Variants in COL12A1 observed in about 807,000 individuals in gnomAD.
COL12A1 encodes collagen type XII alpha 1 chain, also known as collagen alpha-1(XII) chain.
Under a neutral mutation model 349.7 loss-of-function variants are expected in COL12A1, and 114 were observed. The observed-to-expected ratio is 0.33, with a 90% CI of 0.28 to 0.38. COL12A1 has a LOEUF of 0.38. Ranked by LOEUF, COL12A1 falls within the 10% of genes least tolerant of loss-of-function variation. The probability of loss-of-function intolerance (pLI) is 1.00; values close to 1 mark genes in which losing one functional copy is unlikely to be tolerated. For missense variants in COL12A1, 3,284 were observed against 3,756.9 expected (o/e 0.87, Z 3.29); for synonymous variants, 1,369 against 1,329.0 (o/e 1.03, Z -0.66).
chr6:75,111,183 C>T (rs987135402), intron 51 of COL12A1, among the ~76,000 whole-genome samples: 3 of 150,106 alleles, frequency 2.0e-5, no homozygotes, highest in African/African-American at 2.5e-5. Context: ...AAAGAAAGAA[C>T]GGGTTTAAGG....
chr6:75,138,635 C>A lies in COL12A1; in HGVS notation c.5098-55G>T, dbSNP rs1468942344. 18 of 1,600,310 alleles carry A rather than the reference C, an allele frequency of 1.1e-5. No homozygotes were observed. In the East Asian group the frequency reaches 4.0e-4, roughly 36 times the overall value. On this transcript the variant is annotated intron_variant, in intron 28 of 65. Coordinates refer to ENST00000322507, the MANE Select transcript of COL12A1 (RefSeq NM_004370.6). ...CGCAAAAGTAAGTCTCCACTTACAT[C>A]ATACACACTCAATGGCAGTTTATTC...
chr6:75,194,383 A>G (rs1359302249), intron 3 of COL12A1, among the ~76,000 whole-genome samples: 1 of 152,196 alleles, frequency 6.6e-6, no homozygotes, highest in Non-Finnish European at 1.5e-5. Context: ...CTTATCTGTC[A>G]TCATGGTTGT....
At chr6:75,164,198 G>GA (rs1166673609) in intron 14 of COL12A1, among the ~76,000 whole-genome samples, 1 of 152,122 alleles carries the variant, frequency 6.6e-6, no homozygotes, top group Non-Finnish European at 1.5e-5. Flanking sequence ...TTCCTATAAA[G>GA]AAGTTGATTT....
At chr6:75,088,956 G>A (rs945787127) in intron 64 of COL12A1, 150 bp downstream of exon 64, 22 of 620,030 alleles carry the variant, frequency 3.5e-5, no homozygotes, top group African/African-American at 2.2e-4. Flanking sequence ...AGCCAAGATC[G>A]CGCCACTGCA....
At chr6:75,128,498 T>C in intron 37 of COL12A1, 73 bp from the exon 38 acceptor site, 1 of 1,304,408 alleles carries the variant, frequency 7.7e-7, no homozygotes, top group Non-Finnish European at 1.0e-6. Flanking sequence ...TATTGTTTTA[T>C]GTATTCCCAT....
intron 49 of COL12A1, 150 bp downstream of exon 49, chr6:75,115,634 A>T: frequency 1.0e-6 from 1 of 979,376 alleles, no homozygotes; most frequent in Non-Finnish European, 1.5e-6. Context: ...GGAAACAATT[A>T]GCCTAACTGT....
At chr6:75,174,425 G>T (rs989116162) in intron 13 of COL12A1, among the ~76,000 whole-genome samples, 1 of 152,106 alleles carries the variant, frequency 6.6e-6, no homozygotes, top group Non-Finnish European at 1.5e-5. Flanking sequence ...GCGTGGTGGC[G>T]GGCGCCTGTA....
intron 5 of COL12A1, among the ~76,000 whole-genome samples, 189 bp from the exon 6 acceptor site, chr6:75,190,004 C>T (rs965390840): frequency 6.6e-6 from 1 of 151,894 alleles, no homozygotes; most frequent in Non-Finnish European, 1.5e-5. Flanking sequence ...ATTTTCAATG[C>T]CTTTATCAAG....
chr6:75,124,416 A>G (rs1008937762), intron 40 of COL12A1, 45 bp from the exon 41 acceptor site: 1 of 1,412,520 alleles, frequency 7.1e-7, no homozygotes, highest in Non-Finnish European at 9.8e-7. Context: ...AAATTGAGGC[A>G]AAAAGTGTAC....
chr6:75,197,670 T>C (rs1209582394), intron 2 of COL12A1, among the ~76,000 whole-genome samples: 2 of 152,150 alleles, frequency 1.3e-5, no homozygotes, highest in African/African-American at 2.4e-5. Context: ...GAGCCATAGT[T>C]GCATAGGATG....
chr6:75,124,161 G>T, intron 41 of COL12A1, 67 bp from the exon 42 acceptor site: 1 of 1,592,840 alleles, frequency 6.3e-7, no homozygotes, highest in South Asian at 1.1e-5. Context: ...ATTTTATATC[G>T]CATTGTTATA....
intron 8 of COL12A1, 100 bp downstream of exon 8, chr6:75,188,262 G>C: frequency 7.8e-7 from 1 of 1,276,286 alleles, no homozygotes; most frequent in South Asian, 1.6e-5. Flanking sequence ...AGAATCACTG[G>C]AAGAAATATT....
At chr6:75,121,538 G>C (rs1270061041) in intron 43 of COL12A1, 97 bp from the exon 44 acceptor site, 29 of 1,356,518 alleles carry the variant, frequency 2.1e-5, no homozygotes, top group Non-Finnish European at 2.6e-5. Flanking sequence ...ACCTTGCTAC[G>C]CAAAGTGTGG....
chr6:75,189,438 A>G, intron 6 of COL12A1, 57 bp from the exon 7 acceptor site: 1 of 1,583,504 alleles, frequency 6.3e-7, no homozygotes. Flanking sequence ...TTCCAAAGTC[A>G]AAAACTATGT....
At chr6:75,097,027 ATTTC>A (rs1293923470) in intron 59 of COL12A1, among the ~76,000 whole-genome samples, 2 of 152,154 alleles carry the variant, frequency 1.3e-5, no homozygotes, top group Non-Finnish European at 2.9e-5. Flanking sequence ...TTAGTTAGGG[ATTTC>A]TTTTTCTTTT....
chr6:75,108,630 C>G lies in COL12A1; in HGVS notation c.8100+388G>C, dbSNP rs370332869. On this transcript the variant is annotated intron_variant, in intron 52 of 65. Transcript: ENST00000322507. ...CTGGTGAAAGTTGCAACTAGTGTCC[C>G]CAAATGCTTAATATCCTGATTGTAC... Among the ~76,000 whole-genome samples the G allele has an allele frequency of 4.9e-4, 75 of 152,144 alleles. 1 individual carries two copies. The East Asian group carries it at 7.9e-3, about 16-fold the overall frequency.
intron 46 of COL12A1, among the ~76,000 whole-genome samples, 199 bp downstream of exon 46, chr6:75,118,844 A>G (rs1174368103): frequency 1.3e-5 from 2 of 152,224 alleles, no homozygotes; most frequent in African/African-American, 4.8e-5. Context: ...CACATCTTAT[A>G]CAAAGAATAC....
At chr6:75,140,492 T>C (rs937804254) in intron 27 of COL12A1, among the ~76,000 whole-genome samples, 1 of 151,680 alleles carries the variant, frequency 6.6e-6, no homozygotes. Flanking sequence ...CCGTCTCTAC[T>C]AAAAACACAA....
intron 54 of COL12A1, 46 bp downstream of exon 54, chr6:75,105,160 A>G (rs1768485421): frequency 6.6e-7 from 1 of 1,506,444 alleles, no homozygotes; most frequent in Non-Finnish European, 9.2e-7. Context: ...TAATCACTCT[A>G]AAGATTTCAA....
Sources: allele counts gnomAD v4.1 joint callset (sites outside exome capture counted in the v4.1 genomes callset), GRCh38; gene constraint gnomAD v4.1.1; transcripts MANE v1.5; gene names NCBI Gene and HGNC (gene_info 2026-07-23, HGNC 2026-07-21).